PRKN: variants seen among roughly 807,000 people sequenced by gnomAD.
PRKN encodes the protein parkin RBR E3 ubiquitin protein ligase.
Under a neutral mutation model 59.5 loss-of-function variants are expected in PRKN, and 56 were observed. The observed-to-expected ratio is 0.94, with a 90% CI of 0.76 to 1.18. The LOEUF (loss-of-function observed/expected upper bound fraction) is 1.18, where lower values mean the gene tolerates loss of function less well. Among genes scored for constraint, PRKN ranks in the 50% most tolerant of loss-of-function variants. The probability of loss-of-function intolerance (pLI) is 0.00; values close to 1 mark genes in which losing one functional copy is unlikely to be tolerated. For missense variants in PRKN, 657 were observed against 596.4 expected, an observed-to-expected ratio of 1.10 and a Z score of -1.06; for synonymous variants, 250 against 222.1, an observed-to-expected ratio of 1.13 and a Z score of -1.12.
At chr6:162,028,734 G>A (rs1353360084) in intron 5 of PRKN, among the ~76,000 whole-genome samples, 1 of 152,154 alleles carries the variant, frequency 6.6e-6, no homozygotes, top group Non-Finnish European at 1.5e-5. Context: ...GGGAATATTG[G>A]GAGCTACTAA....
intron 9 of PRKN, among the ~76,000 whole-genome samples, chr6:161,535,971 TTGC>T (rs1779399648): frequency 6.6e-6 from 1 of 150,636 alleles, no homozygotes; most frequent in Non-Finnish European, 1.5e-5. Flanking sequence ...TTTTTTTTTA[TTGC>T]TGATTACAGT....
chr6:162,699,828 CTT>C (rs1778090288), intron 1 of PRKN, among the ~76,000 whole-genome samples: 1 of 152,128 alleles, frequency 6.6e-6, no homozygotes, highest in African/African-American at 2.4e-5. Context: ...CTGAAGTTCT[CTT>C]GTCTACCTAG....
chr6:162,108,960 G>A (rs1186548078), intron 4 of PRKN, among the ~76,000 whole-genome samples: 1 of 152,224 alleles, frequency 6.6e-6, no homozygotes, highest in African/African-American at 2.4e-5. Context: ...AAGTGGCGGT[G>A]TACAGCAGCA....
intron 6 of PRKN, among the ~76,000 whole-genome samples, chr6:161,853,180 G>T (rs747246142): frequency 1.3e-5 from 2 of 152,294 alleles, no homozygotes; most frequent in Non-Finnish European, 2.9e-5. Context: ...AATATGGAGT[G>T]AGATTTATGG....
In PRKN at chr6:162,537,022, CTT is replaced by C. The variant is rs546489525; in HGVS notation, c.8-93551_8-93550del. Among the ~76,000 whole-genome samples the C allele has an allele frequency of 7.2e-5, 11 of 152,202 alleles. No individual in the cohort carries two copies. In the South Asian group the frequency reaches 1.4e-3, roughly 20 times the overall value. ...AACAATTATATTAGATATTTTATAA[CTT>C]TTAAAAATTTACTTCGAAAAGATTC... On this transcript the variant is annotated intron_variant, in intron 1 of 11. Transcript: ENST00000366898.
chr6:162,325,847 AGAGT>A (rs1004227283), intron 2 of PRKN, among the ~76,000 whole-genome samples: 81 of 152,328 alleles, frequency 5.3e-4, no homozygotes, highest in African/African-American at 1.9e-3. Context: ...TATTTGAAAA[AGAGT>A]AAGTCAAACA....
intron 7 of PRKN, among the ~76,000 whole-genome samples, chr6:161,704,922 C>G (rs1241976916): frequency 6.6e-6 from 1 of 152,198 alleles, no homozygotes; most frequent in Admixed American, 6.5e-5. Context: ...CTACAGGGGA[C>G]TTTTCAAAGA....
chr6:162,212,568 A>C (rs1785250516), intron 3 of PRKN, among the ~76,000 whole-genome samples: 2 of 152,220 alleles, frequency 1.3e-5, no homozygotes, highest in African/African-American at 4.8e-5. Flanking sequence ...CTGCAGAGTC[A>C]CAGGCCGGCA....
At chr6:161,631,746 G>C (rs989660364) in intron 7 of PRKN, among the ~76,000 whole-genome samples, 1 of 143,894 alleles carries the variant, frequency 6.9e-6, no homozygotes, top group Non-Finnish European at 1.5e-5. Context: ...ATATGCAGTT[G>C]CTAGGGGTAC....
Position 161,423,555 on chromosome 6 carries a change from A to G in PRKN, c.1084-36678T>C, listed in dbSNP as rs4624848. ...CTTAAAATTCCTTGATTTGGGGCCA[A>G]TGACAAGCAAGACATTTACAGATTT... On this transcript the variant is annotated intron_variant, in intron 9 of 11. Transcript: ENST00000366898. This position sits in a 1 kb window ranked among gnomAD's most constrained non-coding sequence, Gnocchi z 5.9. 0.026 allele frequency among the ~76,000 whole-genome samples: 3,956 copies of G among 152,288 alleles called. 160 individuals carry two copies. Among genetic ancestry groups the G allele is most frequent in the African/African-American group, 0.089 (3,704 of 41,548 alleles).
chr6:161,911,490 G>A (rs907431653), intron 6 of PRKN, among the ~76,000 whole-genome samples: 2 of 152,110 alleles, frequency 1.3e-5, no homozygotes, highest in African/African-American at 2.4e-5. Context: ...CCTGCAACTC[G>A]CCAGATATTT....
chr6:162,443,325 AT>A lies in PRKN; in HGVS notation c.155del (p.Asn52MetfsTer29), dbSNP rs754809877. 2.8e-4 allele frequency: 449 copies of A among 1,612,394 alleles called. 1 individual carries two copies. Among genetic ancestry groups the A allele is most frequent in the Admixed American group, 1.4e-3 (83 of 59,998 alleles). On this transcript the variant is annotated frameshift_variant, in exon 2 of 12. Transcript: ENST00000366898. LOFTEE classifies it high-confidence loss of function. ...GGAGACTCACCTGCACAGTCCAGTC[AT>A]TCCTCAGCTCCTTCCCTGCGAAAAT... ...RVIFAGKELR[N>X]DWTVQNCDLD...
intron 6 of PRKN, among the ~76,000 whole-genome samples, chr6:161,921,718 C>T (rs1211470648): frequency 2.0e-5 from 3 of 152,068 alleles, no homozygotes; most frequent in Admixed American, 1.3e-4. Flanking sequence ...CTGCTTCACC[C>T]GTAAAGGAAA....
At chr6:161,486,463 A>T (rs1791648264) in intron 9 of PRKN, among the ~76,000 whole-genome samples, 1 of 152,176 alleles carries the variant, frequency 6.6e-6, no homozygotes, top group African/African-American at 2.4e-5. Flanking sequence ...TGTTCTGACA[A>T]GCAGTGGTGT....
chr6:162,010,063 T>C lies in PRKN; in HGVS notation c.619-36646A>G, dbSNP rs1782428748. ...TTTAATGAAACAAACAACAATCTTT[T>C]AGAGGAAGCAATGGAACATTTTAGA... On this transcript the variant is annotated intron_variant, in intron 5 of 11. Coordinates refer to ENST00000366898, the MANE Select transcript of PRKN (RefSeq NM_004562.3). Among the ~76,000 whole-genome samples, 4 of 151,326 alleles carry C rather than the reference T, an allele frequency of 2.6e-5. No homozygotes were observed. The South Asian group carries it at 6.2e-4, about 24-fold the overall frequency.
chr6:162,073,786 T>C (rs1302744150), intron 4 of PRKN, among the ~76,000 whole-genome samples: 3 of 152,144 alleles, frequency 2.0e-5, no homozygotes, highest in Non-Finnish European at 2.9e-5. Context: ...TGGCAGATAA[T>C]TCACTTCCAA....
At chr6:162,107,699 T>C (rs1780250967) in intron 4 of PRKN, among the ~76,000 whole-genome samples, 1 of 152,174 alleles carries the variant, frequency 6.6e-6, no homozygotes, top group Non-Finnish European at 1.5e-5. Context: ...TTTTTCTCTT[T>C]TCCTGTTGCT....
chr6:162,667,001 A>G (rs570459438), intron 1 of PRKN, among the ~76,000 whole-genome samples: 1 of 152,200 alleles, frequency 6.6e-6, no homozygotes, highest in South Asian at 2.1e-4. Context: ...AGAAGACTGA[A>G]CACATCAGGT....
chr6:162,682,089 C>A (rs1212015316), intron 1 of PRKN, among the ~76,000 whole-genome samples: 1 of 151,996 alleles, frequency 6.6e-6, no homozygotes, highest in African/African-American at 2.4e-5. Context: ...CCCTTTGACT[C>A]AGTAAATTTT....
Sources: gnomAD v4.1 joint callset for allele counts (sites outside exome capture counted in the v4.1 genomes callset) on GRCh38, gnomAD v4.1.1 for gene constraint, Gnocchi (gnomAD v3.1) non-coding constraint, MANE v1.5 for transcripts, NCBI Gene and HGNC (gene_info 2026-07-23, HGNC 2026-07-21) for gene names.